The following TPRG1 variants were observed in gnomAD, a reference collection of about 807,000 sequenced individuals.
The protein encoded by TPRG1 is tumor protein p63 regulated 1.
Under a neutral mutation model 29.3 loss-of-function variants are expected in TPRG1, and 29 were observed. The observed-to-expected ratio is 0.99, with a 90% CI of 0.74 to 1.35. The LOEUF (loss-of-function observed/expected upper bound fraction) is 1.35. Among genes scored for constraint, TPRG1 ranks in the 40% most tolerant of loss-of-function variants. The pLI is 0.00. For synonymous variants in TPRG1, 130 were observed against 116.8 expected, an observed-to-expected ratio of 1.11 and a Z score of -0.73; for missense variants, 327 against 335.0, an observed-to-expected ratio of 0.98 and a Z score of 0.19.
intron 4 of TPRG1, among the ~76,000 whole-genome samples, chr3:189,276,175 C>T (rs1036038082): frequency 3.3e-5 from 5 of 151,792 alleles, no homozygotes; most frequent in African/African-American, 1.2e-4. Context: ...GAGGCTGCCA[C>T]GATAGAATTG....
intron 4 of TPRG1, among the ~76,000 whole-genome samples, chr3:189,270,768 T>G (rs1714988299): frequency 1.3e-5 from 2 of 152,096 alleles, no homozygotes; most frequent in Admixed American, 1.3e-4. Context: ...CTGAGGAAAC[T>G]GAAGCAGAGA....
At chr3:189,257,981 C>T (rs534322987) in intron 4 of TPRG1, among the ~76,000 whole-genome samples, 1 of 152,232 alleles carries the variant, frequency 6.6e-6, no homozygotes, top group South Asian at 2.1e-4. Context: ...TTATTGCCTA[C>T]CTTCTGAAGC....
At chr3:189,071,535 A>G (rs1716812477) in intron 4 of TPRG1, among the ~76,000 whole-genome samples, 1 of 152,180 alleles carries the variant, frequency 6.6e-6, no homozygotes, top group Non-Finnish European at 1.5e-5. Flanking sequence ...GCATCTGTAC[A>G]CACACAGACA....
In TPRG1 at chr3:189,324,711, C is replaced by T. The variant is rs1212974398; in HGVS notation, c.*3891C>T. 6.6e-6 allele frequency: 1 copy of T among 152,116 alleles called. No individual in the cohort carries two copies. Among genetic ancestry groups the T allele is most frequent in the Non-Finnish European group, 1.5e-5 (1 of 68,032 alleles). The allele number at this position is 152,116 out of a possible 1,614,324, so 9.4% of individuals were successfully genotyped here. The stretch of plus-strand genomic sequence containing the variant: ...TTAAAAGCTCCTCAGAAATTCTTTA[C>T]ACACAAGAGACCAAGTTGGAGAAAA... On this transcript the variant is annotated 3_prime_UTR_variant, in exon 6 of 6. Transcript: ENST00000345063.
intron 5 of TPRG1, among the ~76,000 whole-genome samples, chr3:189,319,168 C>T (rs1341663127): frequency 6.6e-6 from 1 of 152,162 alleles, no homozygotes; most frequent in Admixed American, 6.6e-5. Flanking sequence ...AGGCTATTAA[C>T]TTCACTTTAT....
intron 4 of TPRG1, among the ~76,000 whole-genome samples, chr3:189,309,029 C>CT (rs1051890916): frequency 6.0e-5 from 2 of 33,282 alleles, no homozygotes; most frequent in East Asian, 3.6e-4. Flanking sequence ...TTTACTCTGT[C>CT]TTTTTTTTCC....
intron 1 of TPRG1, chr3:189,100,239 C>T (rs1414469250): frequency 6.6e-6 from 1 of 152,382 alleles, no homozygotes; most frequent in Non-Finnish European, 1.5e-5. Flanking sequence ...CCACACCCAG[C>T]TTCAGTTGCC....
At chr3:189,090,766 T>C (rs950716079) in intron 4 of TPRG1, among the ~76,000 whole-genome samples, 2 of 152,084 alleles carry the variant, frequency 1.3e-5, no homozygotes, top group Admixed American at 6.6e-5. Context: ...ATCTTTCTGT[T>C]TTAGGTATAT....
At chr3:189,173,327 C>CTT (rs1197260221) in intron 1 of TPRG1, among the ~76,000 whole-genome samples, 1 of 140,758 alleles carries the variant, frequency 7.1e-6, no homozygotes, top group Non-Finnish European at 1.5e-5. Context: ...TATTCTTTTT[C>CTT]TTTCTTTTCT....
At position 189,071,072 on chromosome 3, in the gene TPRG1, A is replaced by G. The variant is rs908060552; in HGVS notation, c.-463+47126A>G. Among the ~76,000 whole-genome samples the G allele has an allele frequency of 7.7e-3, 1,171 of 151,874 alleles. 14 individuals carry two copies. Among genetic ancestry groups the G allele is most frequent in the African/African-American group, 0.026 (1,093 of 41,382 alleles). On this transcript the variant is annotated intron_variant, in intron 4 of 10. Transcript: ENST00000433971. Reference sequence around the variant, plus strand: ...AACTAAAAGCCAAAGAAAAAGAAAAAAAAAAAAAAAAAAGGAATGCCTTAG... The same window carrying G: ...AACTAAAAGCCAAAGAAAAAGAAAAGAAAAAAAAAAAAAGGAATGCCTTAG...
At chr3:189,152,803 T>C (rs199861536) in intron 5 of TPRG1, among the ~76,000 whole-genome samples, 3,659 of 80,212 alleles carry the variant, frequency 0.046, no homozygotes, top group South Asian at 0.082. Flanking sequence ...GATTGCTACC[T>C]GCCATTATTA....
intron 3 of TPRG1, among the ~76,000 whole-genome samples, chr3:189,220,632 A>G (rs1369391247): frequency 6.6e-6 from 1 of 151,994 alleles, no homozygotes; most frequent in African/African-American, 2.4e-5. Flanking sequence ...GTTCCCCTCT[A>G]TGTGTCCATG....
chr3:189,203,251 C>A (rs1244061201), intron 1 of TPRG1, among the ~76,000 whole-genome samples: 1 of 151,726 alleles, frequency 6.6e-6, no homozygotes, highest in Non-Finnish European at 1.5e-5. Flanking sequence ...AAATTTAGTT[C>A]TGAATTTTCT....
In TPRG1 at chr3:189,077,432, CAGTT is replaced by C. The variant is rs562012464; in HGVS notation, c.-462-49622_-462-49619del. ...ATAGTTAGTTAGTTTGCCTAACTAA[CAGTT>C]AGGCAAAACTAACTATGGGGATAGA... is the stretch of plus-strand genomic sequence containing the variant. On this transcript the variant is annotated intron_variant, in intron 4 of 10. Coordinates refer to the TPRG1 transcript ENST00000433971. Among the ~76,000 whole-genome samples, 244 of 152,086 alleles carry C rather than the reference CAGTT, an allele frequency of 1.6e-3. 1 individual carries two copies. The highest frequency in any genetic ancestry group is 2.3e-3 in the Non-Finnish European group (154 of 67,966).
intron 1 of TPRG1, among the ~76,000 whole-genome samples, chr3:189,193,899 C>T (rs1459564177): frequency 1.4e-5 from 2 of 145,606 alleles, no homozygotes; most frequent in Admixed American, 7.0e-5. Context: ...CTTTTCCTGG[C>T]GATTCATTTA....
In TPRG1 at chr3:189,234,386, C is replaced by T. The variant is rs563878084; in HGVS notation, c.303-4347C>T. On this transcript the variant is annotated intron_variant, in intron 3 of 5. Transcript: ENST00000345063. ...TAAAAGCATAAAAAGTAATAAAAGT[C>T]ACCTGAAATTCCACCACTTACAAAT... 4.6e-5 allele frequency among the ~76,000 whole-genome samples: 7 copies of T among 152,274 alleles called. No homozygotes were observed. The East Asian group carries it at 5.8e-4, about 13-fold the overall frequency.
chr3:189,052,267 A>G (rs1027090804), intron 4 of TPRG1, among the ~76,000 whole-genome samples: 5 of 152,244 alleles, frequency 3.3e-5, no homozygotes, highest in Non-Finnish European at 7.3e-5. Flanking sequence ...AATGCCATCA[A>G]TAAGTGGGTT....
intron 4 of TPRG1, among the ~76,000 whole-genome samples, chr3:189,252,181 CATGT>C (rs1250661342): frequency 6.6e-6 from 1 of 152,144 alleles, no homozygotes; most frequent in African/African-American, 2.4e-5. Flanking sequence ...GGACACAGCA[CATGT>C]TTCAGAGAGC....
At chr3:189,153,855 C>G (rs1726286547) in intron 5 of TPRG1, among the ~76,000 whole-genome samples, 1 of 152,146 alleles carries the variant, frequency 6.6e-6, no homozygotes. Context: ...TGGCAGAAGA[C>G]AAGGCAATCT....
Sources: gnomAD v4.1 joint callset for allele counts (sites outside exome capture counted in the v4.1 genomes callset) on GRCh38, gnomAD v4.1.1 for gene constraint, MANE v1.5 for transcripts, NCBI Gene and HGNC (gene_info 2026-07-23, HGNC 2026-07-21) for gene names.